Variants in ZNF66 observed in about 807,000 individuals in gnomAD.
ZNF66 encodes zinc finger protein 66.
Under a neutral mutation model 35.2 loss-of-function variants are expected in ZNF66, and 32 were observed. The observed-to-expected ratio is 0.91, with a 90% CI of 0.69 to 1.22. The LOEUF is 1.22. Ranked by LOEUF, ZNF66 falls within the 50% of genes most tolerant of loss-of-function variation. ZNF66 has a pLI of 0.00. For synonymous variants in ZNF66, 231 were observed against 181.3 expected, an observed-to-expected ratio of 1.27 and a Z score of -2.20; for missense variants, 666 against 543.1, an observed-to-expected ratio of 1.23 and a Z score of -2.25.
At chr19:20,791,560 A>G (rs1971338042) in intron 1 of ZNF66, among the ~76,000 whole-genome samples, 1 of 151,964 alleles carries the variant, frequency 6.6e-6, no homozygotes, top group East Asian at 1.9e-4. Context: ...TCTGAAAAAA[A>G]TTATTAGGAG....
chr19:20,791,087 A>G (rs895993959), intron 1 of ZNF66, among the ~76,000 whole-genome samples: 10 of 152,164 alleles, frequency 6.6e-5, no homozygotes, highest in Non-Finnish European at 1.3e-4. Flanking sequence ...GATACTCAAG[A>G]TTTCTATTGG....
chr19:20,803,354 T>A (rs888557951), intron 3 of ZNF66, among the ~76,000 whole-genome samples: 3 of 151,820 alleles, frequency 2.0e-5, no homozygotes, highest in Non-Finnish European at 4.4e-5. Flanking sequence ...AGTTTCTTAT[T>A]TTCTTTTGTG....
chr19:20,776,594 T>C (rs1401642954), intron 1 of ZNF66, 144 bp downstream of exon 1: 4 of 1,187,232 alleles, frequency 3.4e-6, no homozygotes, highest in Admixed American at 2.0e-5. Flanking sequence ...AGATGGCGGC[T>C]ACGCTGACAG....
chr19:20,797,910 T>C (rs1050122894), intron 3 of ZNF66, among the ~76,000 whole-genome samples: 1 of 152,204 alleles, frequency 6.6e-6, no homozygotes, highest in Admixed American at 6.5e-5. Flanking sequence ...TGGTTTTACT[T>C]ATGTATTATA....
rs1971532112 is a variant in ZNF66, at chr19:20,807,344, A to G, written c.*22A>G. Reference sequence around the variant, plus strand: ...TTAGACACTCCTCTACCCTTACTAGACATAAGATAATTCATACTGGAGAGA... The same window carrying G: ...TTAGACACTCCTCTACCCTTACTAGGCATAAGATAATTCATACTGGAGAGA... On this transcript the variant is annotated 3_prime_UTR_variant, in exon 4 of 4. Coordinates refer to ENST00000344519, the MANE Select transcript of ZNF66 (RefSeq NM_001355197.2). The G allele has an allele frequency of 1.7e-6, 1 of 600,982 alleles. No individual in the cohort carries two copies. The highest frequency in any genetic ancestry group is 3.0e-6 in the Non-Finnish European group (1 of 334,060). 37.2% of individuals were successfully genotyped at this position (600,982 alleles called of 1,614,324 possible).
Position 20,807,581 on chromosome 19 carries a change from T to C in ZNF66, c.*259T>C, listed in dbSNP as rs532278119. Among the ~76,000 whole-genome samples the C allele has an allele frequency of 3.4e-4, 47 of 139,918 alleles. No homozygotes were observed. The South Asian group carries it at 8.7e-3, about 26-fold the overall frequency. 91.8% of individuals were successfully genotyped at this position (139,918 alleles called of 152,430 possible). On this transcript the variant is annotated 3_prime_UTR_variant, in exon 4 of 4. Coordinates refer to ENST00000344519, the MANE Select transcript of ZNF66 (RefSeq NM_001355197.2). ...TAGCCTATAACAATTTTCAATCAAT[T>C]CTTTTTTTTTTTTTTTGAGATGAAG...
At chr19:20,797,811 C>T (rs1281261366) in intron 3 of ZNF66, among the ~76,000 whole-genome samples, 1 of 152,104 alleles carries the variant, frequency 6.6e-6, no homozygotes, top group African/African-American at 2.4e-5. Context: ...ATTTGCACAC[C>T]TCAGCCTCCC....
intron 1 of ZNF66, among the ~76,000 whole-genome samples, chr19:20,780,709 G>T (rs749551838): frequency 1.3e-5 from 2 of 150,654 alleles, no homozygotes; most frequent in Non-Finnish European, 3.0e-5. Flanking sequence ...CAGAGGCCTG[G>T]CCTGGAATAA....
rs139993598 is a variant in ZNF66, at chr19:20,786,585, TAAA to T, written c.4-5923_4-5921del. ...AATCCAGGTCATGAGATTTGAGAAA[TAAA>T]AAACTTTTATCTGAAAAATGCAAGT... On this transcript the variant is annotated intron_variant, in intron 1 of 3. Coordinates refer to ENST00000344519, the MANE Select transcript of ZNF66 (RefSeq NM_001355197.2). Among the ~76,000 whole-genome samples, 286 of 152,262 alleles carry T rather than the reference TAAA, an allele frequency of 1.9e-3. 3 individuals are homozygous for T. The highest frequency in any genetic ancestry group is 6.4e-3 in the African/African-American group (267 of 41,574).
In ZNF66 at chr19:20,808,321, G is replaced by C. The variant is rs560930523; in HGVS notation, c.*999G>C. On this transcript the variant is annotated 3_prime_UTR_variant, in exon 4 of 4. Coordinates refer to ENST00000344519, the MANE Select transcript of ZNF66 (RefSeq NM_001355197.2). ...AGCAGTAACCTCTGCAGACTTAAAC[G>C]TCCCTGTCTGACAGCTTTGAAGAGA... Among the ~76,000 whole-genome samples the C allele has an allele frequency of 3.3e-5, 5 of 152,216 alleles. No homozygotes were observed. The highest frequency in any genetic ancestry group is 7.3e-5 in the Non-Finnish European group (5 of 68,038).
chr19:20,795,207 C>A (rs1045939617), intron 3 of ZNF66, among the ~76,000 whole-genome samples: 1 of 151,702 alleles, frequency 6.6e-6, no homozygotes, highest in East Asian at 1.9e-4. Context: ...AATTCTTCTG[C>A]CACATACTTC....
intron 3 of ZNF66, among the ~76,000 whole-genome samples, chr19:20,797,193 T>TATGAGTAAACA (rs1971401789): frequency 7.5e-3 from 137 of 18,250 alleles, no homozygotes; most frequent in African/African-American, 0.021. Flanking sequence ...TGCTAGATTT[T>TATGAGTAAACA]TTTTTTTTTT....
intron 1 of ZNF66, 77 bp downstream of exon 1, chr19:20,776,527 A>G (rs2144886606): frequency 6.9e-7 from 1 of 1,456,698 alleles, no homozygotes; most frequent in Non-Finnish European, 9.6e-7. Flanking sequence ...AGTCAGCTCC[A>G]CAATCTGCAC....
Position 20,797,164 on chromosome 19 carries a change from A to G in ZNF66, c.226+3286A>G, listed in dbSNP as rs184735721. On this transcript the variant is annotated intron_variant, in intron 3 of 3. Coordinates refer to ENST00000344519, the MANE Select transcript of ZNF66 (RefSeq NM_001355197.2). ...CCACACCCGGCCTGACAATTTTTTA[A>G]TAATGCATCAATGTTGCATGCTAGA... Among the ~76,000 whole-genome samples, 451 of 139,292 alleles carry G rather than the reference A, an allele frequency of 3.2e-3. 19 individuals are homozygous for G. The highest frequency in any genetic ancestry group is 0.011 in the African/African-American group (416 of 38,054). 91.4% of individuals were successfully genotyped at this position (139,292 alleles called of 152,430 possible).
At position 20,805,907 on chromosome 19, in the gene ZNF66, C is replaced by CATAAAAA; in HGVS notation, c.310_316dup (p.Cys106Ter). On this transcript the variant is annotated frameshift_variant, in exon 4 of 4. Coordinates refer to ENST00000344519, the MANE Select transcript of ZNF66 (RefSeq NM_001355197.2). LOFTEE classifies it high-confidence loss of function. Reference sequence around the variant, plus strand: ...TTTCCAAAAACTGATACTGAGAAGGCATAAAAAATGTGGACATGATAATTT... The same window carrying CATAAAAA: ...TTTCCAAAAACTGATACTGAGAAGGCATAAAAAATAAAAAATGTGGACATGATAATTT... The CATAAAAA allele has an allele frequency of 1.5e-6, 1 of 664,672 alleles. No individual in the cohort carries two copies. Among genetic ancestry groups the CATAAAAA allele is most frequent in the Admixed American group, 2.5e-5 (1 of 40,730 alleles). The allele number at this position is 664,672 out of a possible 1,614,324, so 41.2% of individuals were successfully genotyped here.
At chr19:20,802,394 A>G (rs1256763731) in intron 3 of ZNF66, among the ~76,000 whole-genome samples, 1 of 152,130 alleles carries the variant, frequency 6.6e-6, no homozygotes, top group Non-Finnish European at 1.5e-5. Flanking sequence ...GACCTCCCAA[A>G]GTGCTGGGAT....
At chr19:20,779,074 C>T (rs765687649) in intron 1 of ZNF66, among the ~76,000 whole-genome samples, 4 of 152,114 alleles carry the variant, frequency 2.6e-5, no homozygotes, top group Non-Finnish European at 4.4e-5. Flanking sequence ...GCTACAGAGC[C>T]CTGGAAAGCT....
chr19:20,779,076 T>C (rs1010667777), intron 1 of ZNF66, among the ~76,000 whole-genome samples: 1 of 152,166 alleles, frequency 6.6e-6, no homozygotes, highest in Non-Finnish European at 1.5e-5. Flanking sequence ...TACAGAGCCC[T>C]GGAAAGCTGG....
intron 2 of ZNF66, among the ~76,000 whole-genome samples, chr19:20,793,327 C>CTTTTTTTTTTTTTTTTTTT (rs879637768): frequency 1.1e-4 from 8 of 74,728 alleles, no homozygotes; most frequent in South Asian, 5.3e-4. Context: ...CTTTTCTTTT[C>CTTTTTTTTTTTTTTTTTTT]TTTTCTTTTT....
Sources: allele counts gnomAD v4.1 joint callset (sites outside exome capture counted in the v4.1 genomes callset), GRCh38; gene constraint gnomAD v4.1.1; transcripts MANE v1.5; gene names NCBI Gene and HGNC (gene_info 2026-07-23, HGNC 2026-07-21).